MBD5: variants seen among roughly 807,000 people sequenced by gnomAD.
MBD5 encodes methyl-CpG binding domain protein 5.
A neutral mutation model predicts 117.3 loss-of-function variants in MBD5; 13 were observed. That is an observed-to-expected ratio of 0.11 (90% CI 0.07 to 0.18). The LOEUF (loss-of-function observed/expected upper bound fraction) is 0.18, where lower values mean the gene tolerates loss of function less well. Among genes scored for constraint, MBD5 ranks in the 10% least tolerant of loss-of-function variants. The pLI, the probability that MBD5 is intolerant of heterozygous loss-of-function variation, is 1.00. For missense variants in MBD5, 1,879 were observed against 2,093.8 expected, an observed-to-expected ratio of 0.90 and a Z score of 2.00; for synonymous variants, 727 against 766.4, an observed-to-expected ratio of 0.95 and a Z score of 0.85.
At chr2:148,034,777 A>C (rs910335677) in intron 1 of MBD5, among the ~76,000 whole-genome samples, 7 of 152,240 alleles carry the variant, frequency 4.6e-5, no homozygotes, top group Non-Finnish European at 8.8e-5. Context: ...TTTGAGAAAG[A>C]AAGGTCATGA....
intron 1 of MBD5, chr2:148,028,002 G>A (rs1223973157): frequency 6.6e-6 from 1 of 152,002 alleles, no homozygotes; most frequent in African/African-American, 2.4e-5. Context: ...TCTATGTCAT[G>A]TAAGATGTCA....
Position 148,172,969 on chromosome 2 carries a change from TCTC to T in MBD5, c.-924-5728_-924-5726del, listed in dbSNP as rs563713340. 1.8e-3 allele frequency among the ~76,000 whole-genome samples: 269 copies of T among 152,164 alleles called. 3 individuals carry two copies. Among genetic ancestry groups the T allele is most frequent in the Admixed American group, 0.014 (221 of 15,298 alleles). On this transcript the variant is annotated intron_variant, in intron 1 of 13. Transcript: ENST00000642680. ...GCGGAAAAGAGCTACCCACTTCAGA[TCTC>T]CTGAGAGCTGCTCTGTTGCTCAGTG...
chr2:148,354,985 A>C (rs1052791602), intron 4 of MBD5, among the ~76,000 whole-genome samples: 5 of 151,388 alleles, frequency 3.3e-5, no homozygotes, highest in African/African-American at 1.2e-4. Flanking sequence ...GAGATGGTAT[A>C]TCATTGTGGT....
intron 1 of MBD5, among the ~76,000 whole-genome samples, chr2:148,093,827 TTTG>T (rs1449544193): frequency 2.0e-5 from 3 of 152,202 alleles, no homozygotes; most frequent in Non-Finnish European, 4.4e-5. Flanking sequence ...TCAGTGTATC[TTTG>T]TTGTTTTGAG....
intron 11 of MBD5, among the ~76,000 whole-genome samples, chr2:148,502,010 T>A (rs1044459186): frequency 1.8e-4 from 28 of 152,342 alleles, no homozygotes; most frequent in Admixed American, 1.3e-3. Context: ...GGATTCAAAC[T>A]TTGATCTGTT....
At chr2:148,322,554 T>A (rs956338040) in intron 3 of MBD5, among the ~76,000 whole-genome samples, 11 of 152,182 alleles carry the variant, frequency 7.2e-5, no homozygotes, top group African/African-American at 2.7e-4. Context: ...AAAATGTAAT[T>A]GTAGGGAAGG....
At chr2:148,296,864 A>ACTTTTTTTTTTTTTT (rs1701665621) in intron 3 of MBD5, among the ~76,000 whole-genome samples, 1 of 61,310 alleles carries the variant, frequency 1.6e-5, no homozygotes, top group African/African-American at 5.6e-5. Flanking sequence ...TAGTTCTTCA[A>ACTTTTTTTTTTTTTT]TTTTTTTTTT....
intron 12 of MBD5, among the ~76,000 whole-genome samples, chr2:148,506,226 G>A (rs1682026813): frequency 6.6e-6 from 1 of 151,688 alleles, no homozygotes; most frequent in Non-Finnish European, 1.5e-5. Context: ...CATTACTTAG[G>A]GCAATTTTGT....
chr2:148,111,724 A>G (rs1033405254), intron 1 of MBD5, among the ~76,000 whole-genome samples: 1 of 152,104 alleles, frequency 6.6e-6, no homozygotes, highest in East Asian at 1.9e-4. Flanking sequence ...GTTCAGCAAA[A>G]ATTATAGTAT....
rs1559093586 is a variant in MBD5 at position 148,481,009 on chromosome 2, CAATAATGATG to C, written c.2519-2099_2519-2090del. On this transcript the variant is annotated intron_variant, in intron 8 of 13. Transcript: ENST00000642680. ...GCACCACTACTATGACTACTAATGT[CAATAATGATG>C]ATAACTCCTTTTATTTTTATAGACT... Among the ~76,000 whole-genome samples the C allele has an allele frequency of 1.9e-3, 292 of 152,250 alleles. 1 individual carries two copies. Among genetic ancestry groups the C allele is most frequent in the African/African-American group, 6.8e-3 (283 of 41,564 alleles).
intron 1 of MBD5, among the ~76,000 whole-genome samples, chr2:148,163,265 G>T (rs1698051817): frequency 6.6e-6 from 1 of 152,126 alleles, no homozygotes; most frequent in Non-Finnish European, 1.5e-5. Flanking sequence ...TGGAGCCTAA[G>T]CCTGGACTTT....
chr2:148,304,871 GC>G (rs1701853963), intron 3 of MBD5, among the ~76,000 whole-genome samples: 1 of 151,916 alleles, frequency 6.6e-6, no homozygotes, highest in Non-Finnish European at 1.5e-5. Context: ...GACCATCCCG[GC>G]TAAAAAAACG....
intron 12 of MBD5, among the ~76,000 whole-genome samples, chr2:148,503,378 C>G (rs144957173): frequency 1.3e-5 from 2 of 152,070 alleles, no homozygotes; most frequent in Non-Finnish European, 2.9e-5. Context: ...CTAAAAATAC[C>G]ATTTTAACTT....
At chr2:148,047,855 G>C (rs1356650839) in intron 1 of MBD5, among the ~76,000 whole-genome samples, 2 of 152,164 alleles carry the variant, frequency 1.3e-5, no homozygotes. Flanking sequence ...CCTAGACTAA[G>C]AGAACAGCAT....
chr2:148,435,846 C>G (rs888062926), intron 4 of MBD5, among the ~76,000 whole-genome samples: 4 of 152,106 alleles, frequency 2.6e-5, no homozygotes, highest in Non-Finnish European at 5.9e-5. Context: ...TTCAAGGTTG[C>G]TTGCTTTCTT....
intron 3 of MBD5, among the ~76,000 whole-genome samples, chr2:148,288,791 A>G (rs1701430633): frequency 6.6e-6 from 1 of 152,222 alleles, no homozygotes; most frequent in African/African-American, 2.4e-5. Flanking sequence ...AAATGAAATG[A>G]TTAAATGTTA....
Position 148,265,443 on chromosome 2 carries a change from T to C in MBD5, c.-680+32048T>C, listed in dbSNP as rs1233322223. Among the ~76,000 whole-genome samples the C allele has an allele frequency of 3.3e-5, 5 of 152,206 alleles. No individual in the cohort carries two copies. The East Asian group carries it at 9.6e-4, about 29-fold the overall frequency. ...CTATGGCAATTTTAGAAGGACATACTATTCTGTTCCATGGATGTATCATAA... is the reference window on the plus strand; with the variant it reads ...CTATGGCAATTTTAGAAGGACATACCATTCTGTTCCATGGATGTATCATAA... On this transcript the variant is annotated intron_variant, in intron 3 of 13. Coordinates refer to ENST00000642680, the MANE Select transcript of MBD5 (RefSeq NM_001378120.1).
At position 148,468,878 on chromosome 2, in the gene MBD5, A is replaced by C; in HGVS notation, c.935A>C (p.Lys312Thr). 6.2e-7 allele frequency: 1 copy of C among 1,613,918 alleles called. No individual in the cohort carries two copies. Among genetic ancestry groups the C allele is most frequent in the Non-Finnish European group, 8.5e-7 (1 of 1,179,938 alleles). The change falls in exon 8 of 14, where the codon AAA becomes ACA. Residue 312 changes from lysine (K) to threonine (T), a missense_variant. Transcript: ENST00000642680. ...ACTACAAAGAGTCCAGTAATGAAAAAACCAATGTGTAATTTTTCAACTAAT... is the reference window on the plus strand; with the variant it reads ...ACTACAAAGAGTCCAGTAATGAAAACACCAATGTGTAATTTTTCAACTAAT... ...TLTTKSPVMKKPMCNFSTNME... is the reference protein window; with the variant it reads ...TLTTKSPVMKTPMCNFSTNME...
chr2:148,458,960 T>A, intron 5 of MBD5, 89 bp downstream of exon 5: 2 of 1,025,884 alleles, frequency 1.9e-6, no homozygotes, highest in East Asian at 4.8e-5. Flanking sequence ...TGGCACCTCA[T>A]ATAAATGTGA....
Sources: gnomAD v4.1 joint callset for allele counts (sites outside exome capture counted in the v4.1 genomes callset) on GRCh38, gnomAD v4.1.1 for gene constraint, MANE v1.5 for transcripts, NCBI Gene and HGNC (gene_info 2026-07-23, HGNC 2026-07-21) for gene names.